ATOSA: variants seen among roughly 807,000 people sequenced by gnomAD.
ATOSA encodes the protein atos homolog protein A.
chr15:52,601,010 A>G, the ATOSA span: 2 of 855,752 alleles, frequency 2.3e-6, no homozygotes, highest in Non-Finnish European at 3.7e-6. Context: ...GTTTAGAATC[A>G]ACATTATTTA....
chr15:52,615,641 G>A, the ATOSA span, among the ~76,000 whole-genome samples: 1 of 152,200 alleles, frequency 6.6e-6, no homozygotes, highest in African/African-American at 2.4e-5. Context: ...TAGCTTTGAA[G>A]GGTATGATGA....
chr15:52,687,713 C>T, the ATOSA span, among the ~76,000 whole-genome samples: 6 of 152,178 alleles, frequency 3.9e-5, no homozygotes, highest in Admixed American at 6.5e-5. Flanking sequence ...GCAATAGGTA[C>T]AGCATTAGAG....
At chr15:52,706,511 C>CA in the ATOSA span, among the ~76,000 whole-genome samples, 1 of 151,936 alleles carries the variant, frequency 6.6e-6, no homozygotes, top group Non-Finnish European at 1.5e-5. Flanking sequence ...AGGAGGGAGA[C>CA]AAAAATGTTC....
chr15:52,642,116 C>T, the ATOSA span, among the ~76,000 whole-genome samples: 1 of 152,100 alleles, frequency 6.6e-6, no homozygotes, highest in Non-Finnish European at 1.5e-5. Context: ...ATAAATTTGC[C>T]AATCTGTTTA....
At chr15:52,582,132 T>A in the ATOSA span, 4 of 1,539,954 alleles carry the variant, frequency 2.6e-6, no homozygotes, top group Non-Finnish European at 3.5e-6. Context: ...ACTGAGTAAA[T>A]ACTTTAAATC....
the ATOSA span, among the ~76,000 whole-genome samples, chr15:52,604,146 G>A: frequency 6.6e-6 from 1 of 152,198 alleles, no homozygotes; most frequent in African/African-American, 2.4e-5. Context: ...ACATGGCCGG[G>A]CGCCGTGGCC....
the ATOSA span, among the ~76,000 whole-genome samples, chr15:52,685,520 G>A: frequency 6.6e-6 from 1 of 151,736 alleles, no homozygotes; most frequent in African/African-American, 2.4e-5. Context: ...TGCAACCTCT[G>A]CCTTCCAGGC....
At chr15:52,592,052 A>T in the ATOSA span, among the ~76,000 whole-genome samples, 1 of 152,308 alleles carries the variant, frequency 6.6e-6, no homozygotes, top group Non-Finnish European at 1.5e-5. Context: ...CCTTGAAGAA[A>T]CTGGGCCAGT....
the ATOSA span, among the ~76,000 whole-genome samples, chr15:52,582,876 T>C: frequency 1.3e-5 from 2 of 152,268 alleles, no homozygotes; most frequent in African/African-American, 4.8e-5. Context: ...TGAAACTGTT[T>C]CTATCCACTG....
chr15:52,601,080 A>G, the ATOSA span: 1 of 1,507,570 alleles, frequency 6.6e-7, no homozygotes, highest in South Asian at 1.3e-5. Context: ...ATTTTGAGAT[A>G]AATACCTTCT....
chr15:52,617,341 A>AAG, the ATOSA span, among the ~76,000 whole-genome samples: 20 of 152,260 alleles, frequency 1.3e-4, no homozygotes, highest in African/African-American at 4.8e-4. Context: ...GTGAGCCAGG[A>AAG]AGAGAGCTCT....
the ATOSA span, among the ~76,000 whole-genome samples, chr15:52,628,378 G>T: frequency 1.3e-5 from 2 of 152,188 alleles, no homozygotes; most frequent in African/African-American, 4.8e-5. Context: ...AAACACAGAA[G>T]ATGCTCCTCT....
At chr15:52,638,956 T>TAAG in the ATOSA span, among the ~76,000 whole-genome samples, 1 of 151,730 alleles carries the variant, frequency 6.6e-6, no homozygotes, top group Non-Finnish European at 1.5e-5. Flanking sequence ...AAATCATATT[T>TAAG]AAGAAGCCTC....
the ATOSA span, among the ~76,000 whole-genome samples, chr15:52,676,178 T>G: frequency 1.3e-5 from 2 of 152,196 alleles, no homozygotes; most frequent in Non-Finnish European, 2.9e-5. Flanking sequence ...CTAAAAATAT[T>G]TTGACGTTTA....
At chr15:52,642,950 G>A in the ATOSA span, among the ~76,000 whole-genome samples, 1 of 152,024 alleles carries the variant, frequency 6.6e-6, no homozygotes, top group Non-Finnish European at 1.5e-5. Flanking sequence ...TTACTGGTGT[G>A]AGCCTCCACA....
the ATOSA span, chr15:52,584,730 A>T: frequency 6.3e-7 from 1 of 1,599,824 alleles, no homozygotes; most frequent in East Asian, 2.2e-5. Context: ...TTTTCATATT[A>T]ATTTGAAGCA....
At chr15:52,601,022 T>A in the ATOSA span, 22 of 980,330 alleles carry the variant, frequency 2.2e-5, no homozygotes, top group African/African-American at 2.3e-4. Flanking sequence ...CATTATTTAT[T>A]GTTAAAGACC....
chr15:52,637,246 G>T, the ATOSA span, among the ~76,000 whole-genome samples: 1 of 152,092 alleles, frequency 6.6e-6, no homozygotes, highest in East Asian at 1.9e-4. Context: ...TACCCCAAAA[G>T]AGAAAAAAGA....
At chr15:52,700,583 C>G in the ATOSA span, among the ~76,000 whole-genome samples, 4 of 152,224 alleles carry the variant, frequency 2.6e-5, no homozygotes, top group Non-Finnish European at 2.9e-5. Context: ...TACCTAGAAG[C>G]AACTACCCTT....
Sources: allele counts gnomAD v4.1 joint callset (sites outside exome capture counted in the v4.1 genomes callset), GRCh38; gene constraint gnomAD v4.1.1; transcripts MANE v1.5; gene names NCBI Gene and HGNC (gene_info 2026-07-23, HGNC 2026-07-21).